Variants in GDPD5 observed in about 807,000 individuals in gnomAD.
The protein encoded by GDPD5 is glycerophosphodiester phosphodiesterase domain containing 5, also known as glycerophosphodiester phosphodiesterase 2.
In GDPD5, 48 loss-of-function variants were observed where a neutral mutation model predicts 75.1. That is an observed-to-expected ratio of 0.64 (90% confidence interval 0.51 to 0.81). The LOEUF (loss-of-function observed/expected upper bound fraction) is 0.81, where lower values mean the gene tolerates loss of function less well. GDPD5 is among the 40% of genes least tolerant of loss of function. The pLI, the probability that GDPD5 is intolerant of heterozygous loss-of-function variation, is 0.00. For synonymous variants in GDPD5, 336 were observed against 339.0 expected, an observed-to-expected ratio of 0.99 and a Z score of 0.10; for missense variants, 706 against 822.6, an observed-to-expected ratio of 0.86 and a Z score of 1.73.
chr11:75,505,027 C>T (rs1298445041), intron 1 of GDPD5, among the ~76,000 whole-genome samples: 5 of 151,752 alleles, frequency 3.3e-5, no homozygotes, highest in Non-Finnish European at 7.4e-5. Context: ...GAAGCTGAGG[C>T]AGGAGAACTG....
At chr11:75,475,033 A>G (rs1376820804) in intron 3 of GDPD5, among the ~76,000 whole-genome samples, 1 of 152,280 alleles carries the variant, frequency 6.6e-6, no homozygotes, top group Admixed American at 6.5e-5. Context: ...ACAATTAAAC[A>G]TGGCCCATGG....
rs375139684 is a variant in GDPD5, at chr11:75,444,445, C to T, written c.765G>A (p.Lys255=). Residue 255 remains lysine (K), a synonymous_variant, in exon 10 of 17, where the codon AAG becomes AAA. Coordinates refer to ENST00000336898, the MANE Select transcript of GDPD5 (RefSeq NM_030792.8). ...TAATGTCAGCCTGGAGCCCGTACAGCTTCTGCTCGAGGGCCTTCCGGAAGG... is the reference window on the plus strand; with the variant it reads ...TAATGTCAGCCTGGAGCCCGTACAGTTTCTGCTCGAGGGCCTTCCGGAAGG... ...LMSFRKALEQ[K]LYGLQADITI... The T allele has an allele frequency of 6.2e-7, 1 of 1,613,888 alleles. No individual in the cohort carries two copies. The highest frequency in any genetic ancestry group is 8.5e-7 in the Non-Finnish European group (1 of 1,179,896).
At chr11:75,513,724 G>A (rs921498288) in intron 1 of GDPD5, among the ~76,000 whole-genome samples, 3 of 152,174 alleles carry the variant, frequency 2.0e-5, no homozygotes, top group African/African-American at 7.2e-5. Flanking sequence ...TTCCTCCCAG[G>A]GAAAGGGACC....
chr11:75,476,540 G>A (rs986236726), intron 3 of GDPD5, among the ~76,000 whole-genome samples: 1 of 152,132 alleles, frequency 6.6e-6, no homozygotes, highest in African/African-American at 2.4e-5. Flanking sequence ...CCCAGCAGGG[G>A]CCTGGAGTGG....
intron 6 of GDPD5, among the ~76,000 whole-genome samples, chr11:75,456,275 C>A (rs551652051): frequency 3.9e-5 from 6 of 152,088 alleles, no homozygotes; most frequent in Non-Finnish European, 5.9e-5. Flanking sequence ...ATCCTGGGAG[C>A]GGTGGGAGTG....
At chr11:75,496,329 A>G (rs1950207744) in intron 1 of GDPD5, among the ~76,000 whole-genome samples, 1 of 152,232 alleles carries the variant, frequency 6.6e-6, no homozygotes, top group Non-Finnish European at 1.5e-5. Context: ...TCTTCCTGGC[A>G]TGTTTCACAA....
At chr11:75,467,438 C>T (rs745500223) in intron 3 of GDPD5, among the ~76,000 whole-genome samples, 1 of 152,046 alleles carries the variant, frequency 6.6e-6, no homozygotes, top group African/African-American at 2.4e-5. Context: ...TCACCTATGG[C>T]GTGAGGGATA....
intron 1 of GDPD5, among the ~76,000 whole-genome samples, chr11:75,504,786 C>T (rs763436512): frequency 2.6e-5 from 4 of 152,164 alleles, no homozygotes; most frequent in South Asian, 2.1e-4. Context: ...AACATGGTTA[C>T]GATGGTGCAT....
intron 1 of GDPD5, among the ~76,000 whole-genome samples, chr11:75,516,692 G>A (rs900348882): frequency 2.0e-5 from 3 of 152,210 alleles, no homozygotes; most frequent in African/African-American, 7.2e-5. Context: ...TGAGTGCTTA[G>A]TTTACGGTAG....
chr11:75,459,532 C>T (rs1245977669), intron 4 of GDPD5, among the ~76,000 whole-genome samples: 1 of 152,092 alleles, frequency 6.6e-6, no homozygotes, highest in Non-Finnish European at 1.5e-5. Flanking sequence ...GAATGAACTA[C>T]CCACATCCGG....
At chr11:75,442,962 A>G (rs1026830163) in intron 11 of GDPD5, 174 bp downstream of exon 11, 3 of 712,678 alleles carry the variant, frequency 4.2e-6, no homozygotes, top group Admixed American at 2.2e-5. Context: ...AGTGACAACC[A>G]TGAGTCTGGC....
At chr11:75,468,819 A>G (rs1949588774) in intron 3 of GDPD5, among the ~76,000 whole-genome samples, 1 of 152,208 alleles carries the variant, frequency 6.6e-6, no homozygotes, top group Admixed American at 6.5e-5. Context: ...AGAATACACA[A>G]AAGAGCTGGA....
chr11:75,458,454 C>A lies in GDPD5; in HGVS notation c.222-668G>T, dbSNP rs574044101. Among the ~76,000 whole-genome samples the A allele has an allele frequency of 9.2e-5, 14 of 152,184 alleles. No homozygotes were observed. In the South Asian group the frequency reaches 2.9e-3, roughly 32 times the overall value. ...TTGGGAGGCTGAGGCGGGCGGATCACGAGGTCAGGAGATCGAGACCATCCT... is the reference window on the plus strand; with the variant it reads ...TTGGGAGGCTGAGGCGGGCGGATCAAGAGGTCAGGAGATCGAGACCATCCT... On this transcript the variant is annotated intron_variant, in intron 4 of 16. Coordinates refer to ENST00000336898, the MANE Select transcript of GDPD5 (RefSeq NM_030792.8).
Position 75,439,862 on chromosome 11 carries a change from G to A in GDPD5, c.1556+17C>T. The stretch of plus-strand genomic sequence containing the variant: ...GCAGGGTAGGGACAGCCACGGAAGT[G>A]GTCAGATCCTACTCACTTCTGGAGC... On this transcript the variant is annotated intron_variant, in intron 15 of 16. Transcript: ENST00000336898. The A allele has an allele frequency of 6.2e-7, 1 of 1,605,342 alleles. No homozygotes were observed. Among genetic ancestry groups the A allele is most frequent in the South Asian group, 1.1e-5 (1 of 90,870 alleles).
chr11:75,461,275 G>C (rs1949406927), intron 4 of GDPD5, among the ~76,000 whole-genome samples: 1 of 152,118 alleles, frequency 6.6e-6, no homozygotes, highest in African/African-American at 2.4e-5. Flanking sequence ...ATTTACTCAT[G>C]ACAGTGCCCA....
chr11:75,472,198 G>C (rs1949683082), intron 3 of GDPD5, among the ~76,000 whole-genome samples: 1 of 152,056 alleles, frequency 6.6e-6, no homozygotes, highest in African/African-American at 2.4e-5. Flanking sequence ...CCCAGAGAGG[G>C]TCTGGGCCTG....
intron 10 of GDPD5, 103 bp from the exon 11 acceptor site, chr11:75,443,389 C>T: frequency 7.4e-7 from 1 of 1,357,808 alleles, no homozygotes; most frequent in Non-Finnish European, 1.0e-6. Context: ...GCACAGGATC[C>T]CGGCTGGCTC....
intron 9 of GDPD5, among the ~76,000 whole-genome samples, chr11:75,444,782 G>T (rs1424767844): frequency 2.0e-5 from 3 of 152,152 alleles, no homozygotes; most frequent in Non-Finnish European, 4.4e-5. Context: ...CTTGACACAT[G>T]GTAGCTATGG....
At chr11:75,520,968 C>T (rs927298320) in intron 1 of GDPD5, among the ~76,000 whole-genome samples, 3 of 152,246 alleles carry the variant, frequency 2.0e-5, no homozygotes, top group African/African-American at 4.8e-5. Flanking sequence ...GCTACCCACA[C>T]AGCCTGCTGG....
Sources: allele counts gnomAD v4.1 joint callset (sites outside exome capture counted in the v4.1 genomes callset), GRCh38; gene constraint gnomAD v4.1.1; transcripts MANE v1.5; gene names NCBI Gene and HGNC (gene_info 2026-07-23, HGNC 2026-07-21).